KIR2DL3: variants seen among roughly 807,000 people sequenced by gnomAD.
The protein encoded by KIR2DL3 is killer cell immunoglobulin-like receptor 2DL3.
KIR2DL3 carries 39 observed loss-of-function variants against 33.8 expected under a neutral mutation model. The ratio of observed to expected loss-of-function variants is 1.15; its 90% CI spans 0.89 to 1.51. The LOEUF (loss-of-function observed/expected upper bound fraction) is 1.51. KIR2DL3 is among the 40% of genes most tolerant of loss of function. The probability of loss-of-function intolerance (pLI) is 0.00; values close to 1 mark genes in which losing one functional copy is unlikely to be tolerated. For synonymous variants in KIR2DL3, 174 were observed against 160.2 expected, an observed-to-expected ratio of 1.09 and a Z score of -0.65; for missense variants, 462 against 426.2, an observed-to-expected ratio of 1.08 and a Z score of -0.74.
In KIR2DL3 at chr19:54,744,304, G is replaced by A. The variant is rs1164328785; in HGVS notation, c.664+216G>A. Reference sequence around the variant, plus strand: ...CGCGGCCAGGGCTCCAGGCACACAGGCAGATGGAGAAAACGGTCAGGAGAG... The same window carrying A: ...CGCGGCCAGGGCTCCAGGCACACAGACAGATGGAGAAAACGGTCAGGAGAG... On this transcript the variant is annotated intron_variant, in intron 4 of 7. Coordinates refer to ENST00000342376, the MANE Select transcript of KIR2DL3 (RefSeq NM_015868.3). 4.5e-4 allele frequency among the ~76,000 whole-genome samples: 69 copies of A among 152,074 alleles called. 2 individuals are homozygous for A. The highest frequency in any genetic ancestry group is 5.9e-5 in the Non-Finnish European group (4 of 68,026).
chr19:54,752,780 C>T lies in KIR2DL3; in HGVS notation c.*261C>T, dbSNP rs199719471. ...CTCCTTTGCTTAGCCCACAATTCTC[C>T]ATTTCACTTGACCCCTGCCCACCTC... On this transcript the variant is annotated 3_prime_UTR_variant, in exon 8 of 8. Coordinates refer to ENST00000342376, the MANE Select transcript of KIR2DL3 (RefSeq NM_015868.3). 7 of 573,018 alleles carry T rather than the reference C, an allele frequency of 1.2e-5. No individual in the cohort carries two copies. The highest frequency in any genetic ancestry group is 5.7e-5 in the East Asian group (2 of 34,920). The allele number at this position is 573,018 out of a possible 1,614,324, so 35.5% of individuals were successfully genotyped here. A position where few individuals can be genotyped will look rare whatever the true frequency, so the allele number is the denominator to read the frequency against.
At chr19:54,741,871 G>C (rs2071189530) in intron 2 of KIR2DL3, 109 bp from the exon 3 acceptor site, 1 of 1,296,480 alleles carries the variant, frequency 7.7e-7, no homozygotes, top group African/African-American at 1.5e-5. Context: ...AAGACACAGA[G>C]AGGAAGGAGA....
chr19:54,738,909 AGTGGAGATATGGGCCTGGAG>A (rs1568906265), intron 1 of KIR2DL3, among the ~76,000 whole-genome samples: 7 of 37,326 alleles, frequency 1.9e-4, no homozygotes, highest in Admixed American at 1.0e-3. Flanking sequence ...ATGGGCCTGG[AGTGGAGATATGGGCCTGGAG>A]GTGGAGATAT....
chr19:54,750,707 G>A lies in KIR2DL3; in HGVS notation c.716-942G>A, dbSNP rs761196813. On this transcript the variant is annotated intron_variant, in intron 5 of 7. Coordinates refer to ENST00000342376, the MANE Select transcript of KIR2DL3 (RefSeq NM_015868.3). The stretch of plus-strand genomic sequence containing the variant: ...CACTCACCGTCACTCCAGGGAGACA[G>A]AACACACAGAGAATACATTACACAG... Among the ~76,000 whole-genome samples the A allele has an allele frequency of 1.1e-3, 150 of 139,004 alleles. 1 individual carries two copies. Among genetic ancestry groups the A allele is most frequent in the African/African-American group, 3.8e-3 (139 of 37,006 alleles). The allele number at this position is 139,004 out of a possible 152,430, so 91.2% of individuals were successfully genotyped here.
chr19:54,739,640 G>A, intron 2 of KIR2DL3, 98 bp downstream of exon 2: 1 of 1,597,082 alleles, frequency 6.3e-7, no homozygotes, highest in Admixed American at 1.7e-5. Context: ...TCATAAACTA[G>A]GAAGAGAGGA....
chr19:54,750,129 G>A (rs368845494), intron 5 of KIR2DL3, among the ~76,000 whole-genome samples: 1 of 115,482 alleles, frequency 8.7e-6, no homozygotes, highest in African/African-American at 3.3e-5. Context: ...TCGTGGAATA[G>A]AGAAAGTGCT....
Position 54,744,950 on chromosome 19 carries a change from ATATATTTTTTT to A in KIR2DL3, c.664+864_664+874del, listed in dbSNP as rs1240410358. The stretch of plus-strand genomic sequence containing the variant: ...TATATATATATATATATATATATAT[ATATATTTTTTT>A]TTTTTTTTTTTTTTTTACCCTCCAC... On this transcript the variant is annotated intron_variant, in intron 4 of 7. Coordinates refer to ENST00000342376, the MANE Select transcript of KIR2DL3 (RefSeq NM_015868.3). Among the ~76,000 whole-genome samples the A allele has an allele frequency of 3.4e-3, 91 of 26,762 alleles. 1 individual carries two copies. The highest frequency in any genetic ancestry group is 5.6e-3 in the Non-Finnish European group (79 of 14,156). 17.6% of individuals were successfully genotyped at this position (26,762 alleles called of 152,430 possible). A position where few individuals can be genotyped will look rare whatever the true frequency, so the allele number is the denominator to read the frequency against.
chr19:54,739,359 C>T, intron 1 of KIR2DL3, 148 bp from the exon 2 acceptor site: 2 of 1,357,010 alleles, frequency 1.5e-6, no homozygotes, highest in Non-Finnish European at 2.1e-6. Flanking sequence ...AGCCGACAGC[C>T]CTGTTCTTGG....
chr19:54,740,493 C>A (rs2146995611), intron 2 of KIR2DL3, among the ~76,000 whole-genome samples: 1 of 151,818 alleles, frequency 6.6e-6, no homozygotes, highest in South Asian at 2.1e-4. Flanking sequence ...GGGGTTCACA[C>A]ACACACTCCC....
chr19:54,752,349 G>A lies in KIR2DL3; in HGVS notation c.874-18G>A. 6.7e-7 allele frequency: 1 copy of A among 1,481,634 alleles called. No homozygotes were observed. The highest frequency in any genetic ancestry group is 9.2e-7 in the Non-Finnish European group (1 of 1,085,910). The allele number at this position is 1,481,634 out of a possible 1,614,324, so 91.8% of individuals were successfully genotyped here. ...AAATGTGAGCACCCTCCCTCACTCA[G>A]CATTTCCCTCTCTCCAGGACTCTGA... is the stretch of plus-strand genomic sequence containing the variant. On this transcript the variant is annotated intron_variant, in intron 7 of 7. Coordinates refer to ENST00000342376, the MANE Select transcript of KIR2DL3 (RefSeq NM_015868.3).
At position 54,744,870 on chromosome 19, in the gene KIR2DL3, T is replaced by TTATATATATATATA. The variant is rs1185648350; in HGVS notation, c.664+797_664+810dup. Among the ~76,000 whole-genome samples the TTATATATATATATA allele has an allele frequency of 2.8e-3, 217 of 78,356 alleles. 1 individual carries two copies. Among genetic ancestry groups the TTATATATATATATA allele is most frequent in the Non-Finnish European group, 4.6e-3 (178 of 38,894 alleles). The allele number at this position is 78,356 out of a possible 152,430, so 51.4% of individuals were successfully genotyped here. On this transcript the variant is annotated intron_variant, in intron 4 of 7. Transcript: ENST00000342376. The stretch of plus-strand genomic sequence containing the variant: ...TAAAGTCTAGTGGTCATAAATACAT[T>TTATATATATATATA]TATATATATATATATATATATATAT...
chr19:54,745,562 C>T lies in KIR2DL3; in HGVS notation c.664+1474C>T, dbSNP rs2072342383. 4.0e-5 allele frequency among the ~76,000 whole-genome samples: 6 copies of T among 151,044 alleles called. No homozygotes were observed. In the South Asian group the frequency reaches 6.3e-4, roughly 16 times the overall value. On this transcript the variant is annotated intron_variant, in intron 4 of 7. Transcript: ENST00000342376. ...TTTTTTTAGTATAGATGGGGTTTCC[C>T]CATGTTGGCTGGGCTGCTCTCAAAC...
At position 54,742,232 on chromosome 19, in the gene KIR2DL3, C is replaced by G. The variant is rs1264647856; in HGVS notation, c.323C>G (p.Pro108Arg). 7 of 1,614,192 alleles carry G rather than the reference C, an allele frequency of 4.3e-6. No individual in the cohort carries two copies. The highest frequency in any genetic ancestry group is 5.1e-6 in the Non-Finnish European group (6 of 1,180,030). Residue 108 changes from proline (P) to arginine (R), a missense_variant, in exon 3 of 8, where the codon CCC (proline) becomes CGC (arginine). By Grantham distance (103) the Pro-to-Arg change is moderately radical (BLOSUM62 -2). Coordinates refer to ENST00000342376, the MANE Select transcript of KIR2DL3 (RefSeq NM_015868.3). Reference sequence around the variant, plus strand: ...TGCTACGGTTCTGTTACTCACTCCCCCTATCAGTTGTCAGCTCCCAGTGAC... The same window carrying G: ...TGCTACGGTTCTGTTACTCACTCCCGCTATCAGTTGTCAGCTCCCAGTGAC... ...YRCYGSVTHS[P>R]YQLSAPSDPL...
intron 4 of KIR2DL3, among the ~76,000 whole-genome samples, chr19:54,745,861 G>A (rs2072401524): frequency 6.9e-6 from 1 of 144,996 alleles, no homozygotes; most frequent in Non-Finnish European, 1.5e-5. Flanking sequence ...CACCCAGGCT[G>A]GAGTGCAGTG....
chr19:54,739,241 G>A (rs1169869910), intron 1 of KIR2DL3, among the ~76,000 whole-genome samples: 2 of 97,934 alleles, frequency 2.0e-5, no homozygotes, highest in Non-Finnish European at 4.9e-5. Context: ...GCCTAGGGTG[G>A]AGATCTGAGC....
At chr19:54,741,575 T>A (rs1236477745) in intron 2 of KIR2DL3, among the ~76,000 whole-genome samples, 6 of 151,952 alleles carry the variant, frequency 3.9e-5, no homozygotes, top group Non-Finnish European at 7.4e-5. Flanking sequence ...CACTGGTGCC[T>A]GCCTTATTCA....
In KIR2DL3 at chr19:54,743,981, C is replaced by T; in HGVS notation, c.557C>T (p.Pro186Leu). Residue 186 changes from proline to leucine, a missense_variant, in exon 4 of 8, where the codon CCT (proline) becomes CTT (leucine). By Grantham distance (98) the Pro-to-Leu change is moderately conservative (BLOSUM62 -3). Coordinates refer to ENST00000342376, the MANE Select transcript of KIR2DL3 (RefSeq NM_015868.3). ...AACGGAACATTCCAGGCCGACTTTC[C>T]TCTGGGCCCTGCCACCCACGGAGGA... ...KVNGTFQADFPLGPATHGGTY... is the reference protein window; with the variant it reads ...KVNGTFQADFLLGPATHGGTY... 1.2e-6 allele frequency: 2 copies of T among 1,614,258 alleles called. No homozygotes were observed. The highest frequency in any genetic ancestry group is 1.7e-6 in the Non-Finnish European group (2 of 1,180,052).
At chr19:54,747,007 A>T (rs2072614704) in intron 4 of KIR2DL3, among the ~76,000 whole-genome samples, 1 of 141,910 alleles carries the variant, frequency 7.0e-6, no homozygotes, top group African/African-American at 2.6e-5. Flanking sequence ...AAAACATTGG[A>T]GGTAAATGCA....
At chr19:54,746,361 G>A (rs2147119338) in intron 4 of KIR2DL3, among the ~76,000 whole-genome samples, 1 of 139,404 alleles carries the variant, frequency 7.2e-6, no homozygotes, top group East Asian at 2.0e-4. Context: ...CACTTTGTTG[G>A]TTTATTTTTA....
Sources: gnomAD v4.1 joint callset for allele counts (sites outside exome capture counted in the v4.1 genomes callset) on GRCh38, gnomAD v4.1.1 for gene constraint, MANE v1.5 for transcripts, NCBI Gene and HGNC (gene_info 2026-07-23, HGNC 2026-07-21) for gene names.